The following PHACTR1 variants were observed in gnomAD, a reference collection of about 807,000 sequenced individuals.
PHACTR1 encodes the protein phosphatase and actin regulator 1.
PHACTR1 carries 16 observed loss-of-function variants against 69.2 expected under a neutral mutation model. That is an observed-to-expected ratio of 0.23 (90% CI 0.16 to 0.35). The LOEUF (loss-of-function observed/expected upper bound fraction) is 0.35, where lower values mean the gene tolerates loss of function less well. Ranked by LOEUF, PHACTR1 falls within the 10% of genes least tolerant of loss-of-function variation. The pLI is 1.00. For missense variants in PHACTR1, 510 were observed against 734.7 expected (o/e 0.69, Z 3.54); for synonymous variants, 312 against 284.5 (o/e 1.10, Z -0.97).
intron 5 of PHACTR1, among the ~76,000 whole-genome samples, chr6:13,100,904 G>A (rs915834873): frequency 6.6e-6 from 1 of 152,146 alleles, no homozygotes; most frequent in African/African-American, 2.4e-5. Flanking sequence ...GCTTGTTTAA[G>A]CTACTTCTCA....
intron 5 of PHACTR1, among the ~76,000 whole-genome samples, chr6:13,101,216 G>A (rs1222986344): frequency 6.6e-6 from 1 of 152,230 alleles, no homozygotes; most frequent in African/African-American, 2.4e-5. Context: ...AGCCCATGAT[G>A]AAAGGCCAAA....
At chr6:12,739,882 A>G (rs1764809348) in intron 3 of PHACTR1, among the ~76,000 whole-genome samples, 1 of 152,118 alleles carries the variant, frequency 6.6e-6, no homozygotes, top group African/African-American at 2.4e-5. Flanking sequence ...AGCAACATGC[A>G]CAAATATAAA....
intron 7 of PHACTR1, among the ~76,000 whole-genome samples, chr6:13,193,194 T>TA (rs66583900): frequency 0.089 from 13,534 of 151,366 alleles, 1,382 homozygotes; most frequent in East Asian, 0.58. Context: ...ATGCAAAAAA[T>TA]ACGAGTGTGA....
At chr6:13,272,668 G>A (rs576795271) in intron 10 of PHACTR1, 192 bp from the exon 11 acceptor site, 54 of 1,487,360 alleles carry the variant, frequency 3.6e-5, no homozygotes, top group African/African-American at 1.3e-4. Context: ...GTGACATGAC[G>A]CACGTGCCTC....
At chr6:13,113,980 C>T (rs1583418199) in intron 5 of PHACTR1, among the ~76,000 whole-genome samples, 1 of 152,214 alleles carries the variant, frequency 6.6e-6, no homozygotes, top group East Asian at 1.9e-4. Flanking sequence ...ACATAAAATG[C>T]TAAGAAAATC....
intron 10 of PHACTR1, among the ~76,000 whole-genome samples, chr6:13,244,134 G>C (rs1217250769): frequency 6.6e-6 from 1 of 152,088 alleles, no homozygotes. Context: ...GCGTCCGGGG[G>C]AGACATCACA....
intron 4 of PHACTR1, among the ~76,000 whole-genome samples, chr6:13,027,600 T>C (rs1000819699): frequency 6.6e-6 from 1 of 152,166 alleles, no homozygotes; most frequent in East Asian, 1.9e-4. Context: ...AATGTTGAGG[T>C]TTTTGCCAAC....
chr6:12,717,118 T>C (rs893554920), intron 1 of PHACTR1, among the ~76,000 whole-genome samples: 1 of 152,082 alleles, frequency 6.6e-6, no homozygotes, highest in Non-Finnish European at 1.5e-5. Context: ...CCGGTGGCTG[T>C]TCTGTGTATT....
intron 4 of PHACTR1, among the ~76,000 whole-genome samples, chr6:12,834,824 T>G (rs374108418): frequency 6.6e-6 from 1 of 152,254 alleles, no homozygotes; most frequent in Non-Finnish European, 1.5e-5. Flanking sequence ...TATGGATTGA[T>G]TCAAGTGACT....
intron 5 of PHACTR1, among the ~76,000 whole-genome samples, chr6:13,156,440 G>A (rs1054929193): frequency 1.3e-5 from 2 of 152,284 alleles, no homozygotes; most frequent in South Asian, 2.1e-4. Context: ...AACTTAGGAC[G>A]TTAAAGAAAT....
chr6:12,973,102 A>T (rs1160808327), intron 4 of PHACTR1, among the ~76,000 whole-genome samples: 4 of 152,154 alleles, frequency 2.6e-5, no homozygotes, highest in Non-Finnish European at 4.4e-5. Context: ...ATTTAATTAC[A>T]GCTGCAAAGT....
chr6:12,922,192 CCTCACAAAGGA>C (rs1198120529), intron 4 of PHACTR1, among the ~76,000 whole-genome samples: 20 of 152,086 alleles, frequency 1.3e-4, no homozygotes, highest in Admixed American at 1.0e-3. Context: ...GGCAGTATGA[CCTCACAAAGGA>C]CTCTTCTCCT....
At chr6:12,879,713 T>C (rs900540769) in intron 4 of PHACTR1, among the ~76,000 whole-genome samples, 20 of 152,212 alleles carry the variant, frequency 1.3e-4, no homozygotes, top group African/African-American at 4.6e-4. Flanking sequence ...CTGAAACAGA[T>C]AATATTATTA....
At chr6:13,075,589 C>T (rs1044766076) in intron 5 of PHACTR1, among the ~76,000 whole-genome samples, 1 of 152,188 alleles carries the variant, frequency 6.6e-6, no homozygotes, top group African/African-American at 2.4e-5. Flanking sequence ...GCTCAGCTTT[C>T]ATCTGAAGAC....
rs1473798375 is a variant in PHACTR1 at position 13,283,803 on chromosome 6, A to G, written c.1650+241A>G. The G allele has an allele frequency of 5.5e-6, 3 of 546,230 alleles. No individual in the cohort carries two copies. The highest frequency in any genetic ancestry group is 9.7e-6 in the Non-Finnish European group (3 of 308,798). 33.8% of individuals were successfully genotyped at this position (546,230 alleles called of 1,614,324 possible). A position where few individuals can be genotyped will look rare whatever the true frequency, so the allele number is the denominator to read the frequency against. On this transcript the variant is annotated intron_variant, in intron 13 of 14. Coordinates refer to ENST00000332995, the MANE Select transcript of PHACTR1 (RefSeq NM_030948.6). This position sits in a 1 kb window ranked among gnomAD's most constrained non-coding sequence, Gnocchi z 4.7. ...CCCATTTTACAGGAGGAGGAGCAGC[A>G]GCCTGGGAGGCTGTGCCCAGAGAAA...
At chr6:12,748,948 G>A (rs1766167204) in intron 3 of PHACTR1, among the ~76,000 whole-genome samples, 1 of 152,156 alleles carries the variant, frequency 6.6e-6, no homozygotes, top group African/African-American at 2.4e-5. Context: ...AGTTGTAAGG[G>A]GGCAGATAAG....
intron 6 of PHACTR1, among the ~76,000 whole-genome samples, chr6:13,166,699 A>C (rs963762850): frequency 9.9e-5 from 15 of 152,178 alleles, no homozygotes; most frequent in African/African-American, 3.6e-4. Context: ...TAGTGTCTTT[A>C]AGTGGTATGG....
At chr6:13,071,744 G>A (rs1242821445) in intron 5 of PHACTR1, among the ~76,000 whole-genome samples, 2 of 152,138 alleles carry the variant, frequency 1.3e-5, no homozygotes, top group Non-Finnish European at 2.9e-5. Flanking sequence ...TAGTGGTTTT[G>A]TTCCGTATTG....
At chr6:12,948,913 ATTT>A (rs1391870754) in intron 4 of PHACTR1, among the ~76,000 whole-genome samples, 1 of 152,192 alleles carries the variant, frequency 6.6e-6, no homozygotes, top group African/African-American at 2.4e-5. Flanking sequence ...TTCAAAATAA[ATTT>A]TTATAACAGA....
Sources: allele counts gnomAD v4.1 joint callset (sites outside exome capture counted in the v4.1 genomes callset), GRCh38; gene constraint gnomAD v4.1.1; non-coding constraint Gnocchi (gnomAD v3.1); transcripts MANE v1.5; gene names NCBI Gene and HGNC (gene_info 2026-07-23, HGNC 2026-07-21).